Variants in DLGAP1 observed in about 807,000 individuals in gnomAD.
DLGAP1 encodes disks large-associated protein 1.
Under a neutral mutation model 90.8 loss-of-function variants are expected in DLGAP1, and 11 were observed. That is an observed-to-expected ratio of 0.12 (90% CI 0.08 to 0.20). The LOEUF is 0.20. DLGAP1 is among the 10% of genes least tolerant of loss of function. The probability of loss-of-function intolerance (pLI) is 1.00; values close to 1 mark genes in which losing one functional copy is unlikely to be tolerated. For missense variants in DLGAP1, 1,050 were observed against 1,333.8 expected (o/e 0.79, Z 3.31); for synonymous variants, 558 against 540.7 (o/e 1.03, Z -0.44).
At chr18:3,525,089 G>GA (rs1471597235) in intron 10 of DLGAP1, among the ~76,000 whole-genome samples, 6 of 131,374 alleles carry the variant, frequency 4.6e-5, no homozygotes, top group Non-Finnish European at 8.2e-5. Flanking sequence ...GTGTTCTGGG[G>GA]GAAAAAAAAA....
At chr18:3,522,134 G>GTTTT in intron 10 of DLGAP1, among the ~76,000 whole-genome samples, 1 of 84,380 alleles carries the variant, frequency 1.2e-5, no homozygotes. Context: ...TTTCTTTCTT[G>GTTTT]CTTTTTTTTT....
At position 4,058,192 on chromosome 18, in the gene DLGAP1, T is replaced by C. The variant is rs554959015; in HGVS notation, c.-158-52991A>G. ...CTGTTTTCTCTGTGTATATTTGAAA[T>C]GGCCTTGCACACCTGCCAGACAGTC... On this transcript the variant is annotated intron_variant, in intron 2 of 12. Coordinates refer to ENST00000315677, the MANE Select transcript of DLGAP1 (RefSeq NM_004746.4). Among the ~76,000 whole-genome samples, 3 of 152,334 alleles carry C rather than the reference T, an allele frequency of 2.0e-5. No individual in the cohort carries two copies. The South Asian group carries it at 6.2e-4, about 32-fold the overall frequency.
chr18:3,761,608 C>G (rs901961196), intron 5 of DLGAP1, among the ~76,000 whole-genome samples: 1 of 150,914 alleles, frequency 6.6e-6, no homozygotes, highest in Non-Finnish European at 1.5e-5. Flanking sequence ...CGGAGTCTCA[C>G]TCTGTTGCCC....
chr18:4,307,779 G>GATCTC (rs924878034), intron 1 of DLGAP1, among the ~76,000 whole-genome samples: 9 of 141,770 alleles, frequency 6.3e-5, no homozygotes, highest in African/African-American at 2.4e-4. Context: ...GCAGTGGCAT[G>GATCTC]ATCTCAGCTC....
At chr18:4,102,231 T>C (rs2075791138) in intron 2 of DLGAP1, among the ~76,000 whole-genome samples, 1 of 152,326 alleles carries the variant, frequency 6.6e-6, no homozygotes, top group East Asian at 1.9e-4. Context: ...ATTAAGTATC[T>C]ATTGTGTCAC....
intron 1 of DLGAP1, among the ~76,000 whole-genome samples, chr18:4,371,947 T>A (rs2081925611): frequency 1.3e-5 from 2 of 152,240 alleles, no homozygotes; most frequent in African/African-American, 4.8e-5. Context: ...TGTATCTCTC[T>A]GAACATAGAA....
At chr18:3,917,170 C>G (rs1054971335) in intron 3 of DLGAP1, among the ~76,000 whole-genome samples, 1 of 152,184 alleles carries the variant, frequency 6.6e-6, no homozygotes, top group Non-Finnish European at 1.5e-5. Context: ...GGTAAGTTAG[C>G]TGTACTAAAT....
intron 5 of DLGAP1, among the ~76,000 whole-genome samples, chr18:3,744,591 C>T (rs554412138): frequency 1.3e-3 from 204 of 152,222 alleles, no homozygotes; most frequent in African/African-American, 4.7e-3. Flanking sequence ...GATGGAGTCT[C>T]ACTCTGTCGC....
chr18:3,888,851 G>T (rs1322525330), intron 3 of DLGAP1, among the ~76,000 whole-genome samples: 1 of 152,212 alleles, frequency 6.6e-6, no homozygotes, highest in Non-Finnish European at 1.5e-5. Flanking sequence ...GTTCAAATAT[G>T]CCTGTGCTGA....
intron 4 of DLGAP1, among the ~76,000 whole-genome samples, chr18:3,833,168 TC>T: frequency 1.5e-3 from 5 of 3,368 alleles, no homozygotes; most frequent in East Asian, 0.014. Context: ...CTTCCTTCCT[TC>T]CTTCCTTCCT....
intron 1 of DLGAP1, among the ~76,000 whole-genome samples, chr18:4,322,610 T>C (rs1016709628): frequency 6.6e-6 from 1 of 152,122 alleles, no homozygotes; most frequent in Non-Finnish European, 1.5e-5. Context: ...TATCACTCTC[T>C]GAAAGTACAA....
intron 2 of DLGAP1, among the ~76,000 whole-genome samples, chr18:4,032,271 A>G (rs761397000): frequency 1.3e-5 from 2 of 152,176 alleles, no homozygotes; most frequent in Non-Finnish European, 2.9e-5. Flanking sequence ...ACAAGCTTTG[A>G]TGTCTTTTGG....
In DLGAP1 at chr18:3,837,849, C is replaced by CAA. The variant is rs5822770; in HGVS notation, c.958-23578_958-23577dup. Among the ~76,000 whole-genome samples, 81 of 26,824 alleles carry CAA rather than the reference C, an allele frequency of 3.0e-3. 5 individuals carry two copies. The highest frequency in any genetic ancestry group is 6.6e-3 in the South Asian group (2 of 302). 17.6% of individuals were successfully genotyped at this position (26,824 alleles called of 152,430 possible). ...CCTGGGCGACAGAGTGAGATTCTGT[C>CAA]AAAAAAAAAAAAAAAAAAAAAAAAA... is the stretch of plus-strand genomic sequence containing the variant. On this transcript the variant is annotated intron_variant, in intron 4 of 12. Transcript: ENST00000315677.
Position 4,358,817 on chromosome 18 carries a change from C to T in DLGAP1, c.-267+96189G>A, listed in dbSNP as rs77922105. On this transcript the variant is annotated intron_variant, in intron 1 of 12. Transcript: ENST00000315677. ...CTGCTGTGCAGGTATTCGGTGCTGC[C>T]TGTGGCTTCTGGGTCAGTTCATCTA... Among the ~76,000 whole-genome samples, 163 of 152,338 alleles carry T rather than the reference C, an allele frequency of 1.1e-3. 6 individuals are homozygous for T. In the East Asian group the frequency reaches 0.03, roughly 28 times the overall value.
intron 2 of DLGAP1, among the ~76,000 whole-genome samples, chr18:4,134,927 G>A (rs2076376065): frequency 6.6e-6 from 1 of 151,960 alleles, no homozygotes; most frequent in Non-Finnish European, 1.5e-5. Context: ...GATCTTCCAA[G>A]AATGTATTCA....
chr18:4,161,344 T>G (rs1351924862), intron 1 of DLGAP1, among the ~76,000 whole-genome samples: 1 of 152,140 alleles, frequency 6.6e-6, no homozygotes, highest in Non-Finnish European at 1.5e-5. Context: ...ACATGTGGTG[T>G]TTGGTTTTAT....
intron 11 of DLGAP1, among the ~76,000 whole-genome samples, chr18:3,504,519 G>A (rs1484532867): frequency 2.0e-5 from 3 of 152,004 alleles, no homozygotes; most frequent in Non-Finnish European, 4.4e-5. Flanking sequence ...TGAGTAACTG[G>A]GATTACAGGT....
intron 2 of DLGAP1, among the ~76,000 whole-genome samples, chr18:4,050,665 C>T (rs964995816): frequency 6.6e-6 from 1 of 152,164 alleles, no homozygotes; most frequent in Non-Finnish European, 1.5e-5. Context: ...ACAGGATAGC[C>T]TTTTATGTCA....
intron 1 of DLGAP1, among the ~76,000 whole-genome samples, chr18:4,228,378 G>A (rs1023338121): frequency 6.6e-6 from 1 of 151,876 alleles, no homozygotes; most frequent in Non-Finnish European, 1.5e-5. Context: ...ACAAGACGAA[G>A]ACACATCAAG....
Sources: allele counts gnomAD v4.1 joint callset (sites outside exome capture counted in the v4.1 genomes callset), GRCh38; gene constraint gnomAD v4.1.1; transcripts MANE v1.5; gene names NCBI Gene and HGNC (gene_info 2026-07-23, HGNC 2026-07-21).